ADGRL3: variants seen among roughly 807,000 people sequenced by gnomAD.
ADGRL3 encodes the protein adhesion G protein-coupled receptor L3.
Under a neutral mutation model 153.5 loss-of-function variants are expected in ADGRL3, and 62 were observed. The observed-to-expected ratio is 0.40, with a 90% confidence interval of 0.33 to 0.50. ADGRL3 has a LOEUF of 0.50. Ranked by LOEUF, ADGRL3 falls within the 20% of genes least tolerant of loss-of-function variation. ADGRL3 has a pLI of 0.47. For synonymous variants in ADGRL3, 710 were observed against 672.5 expected, an observed-to-expected ratio of 1.06 and a Z score of -0.86; for missense variants, 1,641 against 1,859.4, an observed-to-expected ratio of 0.88 and a Z score of 2.16.
rs1051668720 is a variant in ADGRL3, at chr4:61,589,545, A to G, written c.473+2105A>G. Among the ~76,000 whole-genome samples the G allele has an allele frequency of 2.0e-5, 3 of 152,222 alleles. No individual in the cohort carries two copies. The Middle Eastern group carries it at 0.01, about 518-fold the overall frequency. The stretch of plus-strand genomic sequence containing the variant: ...TTAAACTGAAATCATAATGGAAAAC[A>G]TGTTTTTTTAAAAGGTATCTTAATC... On this transcript the variant is annotated intron_variant, in intron 5 of 26. Coordinates refer to ENST00000683033, the MANE Select transcript of ADGRL3 (RefSeq NM_001387552.1).
chr4:61,809,434 A>G (rs2097583766), intron 8 of ADGRL3, among the ~76,000 whole-genome samples: 2 of 152,274 alleles, frequency 1.3e-5, no homozygotes, highest in East Asian at 3.9e-4. Context: ...AGTCTTACTT[A>G]TTAAAATTAG....
At chr4:61,734,469 A>C (rs150985928) in intron 8 of ADGRL3, among the ~76,000 whole-genome samples, 73 of 152,180 alleles carry the variant, frequency 4.8e-4, no homozygotes, top group Non-Finnish European at 8.2e-4. Context: ...AAGCAAAGGC[A>C]TGTCTTACAA....
At chr4:61,221,399 A>T (rs1002156994) in intron 1 of ADGRL3, among the ~76,000 whole-genome samples, 22 of 152,130 alleles carry the variant, frequency 1.4e-4, no homozygotes, top group Non-Finnish European at 2.1e-4. Flanking sequence ...TCGTAATATG[A>T]TGTCAATATT....
intron 17 of ADGRL3, among the ~76,000 whole-genome samples, chr4:61,961,015 T>C (rs545974197): frequency 6.6e-6 from 1 of 152,248 alleles, no homozygotes; most frequent in Non-Finnish European, 1.5e-5. Flanking sequence ...GCCTAGTTTT[T>C]ACATTAAAAT....
chr4:62,018,667 T>C lies in ADGRL3; in HGVS notation c.3396-10188T>C, dbSNP rs544298238. 2.6e-4 allele frequency among the ~76,000 whole-genome samples: 39 copies of C among 152,128 alleles called. 1 individual carries two copies. The highest frequency in any genetic ancestry group is 9.2e-4 in the African/African-American group (38 of 41,518). On this transcript the variant is annotated intron_variant, in intron 21 of 26. Transcript: ENST00000683033. The stretch of plus-strand genomic sequence containing the variant: ...CAGACAAGTAGGAGCCCAGCTGGGA[T>C]TGGCGTAGGAAGGACGGAATGCTGA...
intron 5 of ADGRL3, among the ~76,000 whole-genome samples, chr4:61,589,209 T>G (rs777111012): frequency 5.3e-5 from 8 of 152,092 alleles, no homozygotes; most frequent in Non-Finnish European, 1.2e-4. Flanking sequence ...TTCACAAATA[T>G]GAGTTGTCAG....
chr4:61,372,993 A>G (rs967006886), intron 1 of ADGRL3, among the ~76,000 whole-genome samples: 1 of 152,170 alleles, frequency 6.6e-6, no homozygotes, highest in Non-Finnish European at 1.5e-5. Context: ...CCGATTCTCC[A>G]GGTGCGGTCG....
intron 5 of ADGRL3, among the ~76,000 whole-genome samples, chr4:61,662,452 C>T (rs2094628202): frequency 6.6e-6 from 1 of 152,232 alleles, no homozygotes; most frequent in Middle Eastern, 3.2e-3. Flanking sequence ...CAGGTGTGTG[C>T]ATACTCAGGG....
intron 1 of ADGRL3, among the ~76,000 whole-genome samples, chr4:61,312,171 A>G (rs1327791087): frequency 6.6e-6 from 1 of 152,218 alleles, no homozygotes; most frequent in African/African-American, 2.4e-5. Context: ...TAGGGAGAGG[A>G]TAGTCTTTTT....
At chr4:61,799,687 C>G (rs967514871) in intron 8 of ADGRL3, among the ~76,000 whole-genome samples, 2 of 151,940 alleles carry the variant, frequency 1.3e-5, no homozygotes, top group African/African-American at 4.8e-5. Flanking sequence ...CTTTAAATAC[C>G]AGCTTCTTAT....
At chr4:61,408,015 T>G (rs2097025984) in intron 2 of ADGRL3, among the ~76,000 whole-genome samples, 1 of 152,108 alleles carries the variant, frequency 6.6e-6, no homozygotes, top group South Asian at 2.1e-4. Flanking sequence ...TATTACGTCA[T>G]TTCTGAAATG....
At chr4:61,895,020 A>G (rs1330288616) in intron 10 of ADGRL3, among the ~76,000 whole-genome samples, 1 of 152,046 alleles carries the variant, frequency 6.6e-6, no homozygotes. Context: ...AAGAACATAT[A>G]TTTTTCCACC....
intron 6 of ADGRL3, among the ~76,000 whole-genome samples, chr4:61,718,520 A>T (rs1475613639): frequency 1.3e-5 from 2 of 152,110 alleles, no homozygotes; most frequent in Non-Finnish European, 2.9e-5. Flanking sequence ...TTAAAGTTGA[A>T]TTTTTTTACA....
intron 1 of ADGRL3, among the ~76,000 whole-genome samples, chr4:61,363,122 G>T (rs1268424864): frequency 6.6e-6 from 1 of 152,118 alleles, no homozygotes; most frequent in Non-Finnish European, 1.5e-5. Context: ...ACATTGAATA[G>T]ACTGTGATGC....
chr4:61,779,688 C>A (rs544580272), intron 8 of ADGRL3, among the ~76,000 whole-genome samples: 1 of 145,176 alleles, frequency 6.9e-6, no homozygotes, highest in Admixed American at 6.9e-5. Flanking sequence ...TATTCCATAG[C>A]TACTACTAGG....
At chr4:61,727,535 T>C (rs1339707807) in intron 6 of ADGRL3, among the ~76,000 whole-genome samples, 1 of 152,146 alleles carries the variant, frequency 6.6e-6, no homozygotes, top group Non-Finnish European at 1.5e-5. Flanking sequence ...GTTGTCATCA[T>C]GCAATTCATT....
At position 61,409,404 on chromosome 4, in the gene ADGRL3, A is replaced by AATATAT. The variant is rs10573056; in HGVS notation, c.-174+26226_-174+26231dup. On this transcript the variant is annotated intron_variant, in intron 2 of 26. Coordinates refer to ENST00000683033, the MANE Select transcript of ADGRL3 (RefSeq NM_001387552.1). ...TATTATATATATATTAGACATACAT[A>AATATAT]ATATATATATATATATTATATATAT... Among the ~76,000 whole-genome samples the AATATAT allele has an allele frequency of 1.0e-4, 14 of 137,882 alleles. No individual in the cohort carries two copies. In the South Asian group the frequency reaches 1.5e-3, roughly 15 times the overall value. 90.5% of individuals were successfully genotyped at this position (137,882 alleles called of 152,430 possible).
At chr4:61,914,262 G>C (rs1192489227) in intron 13 of ADGRL3, among the ~76,000 whole-genome samples, 1 of 152,052 alleles carries the variant, frequency 6.6e-6, no homozygotes, top group Admixed American at 6.6e-5. Context: ...GGCCAAACGT[G>C]TCTATTACGA....
intron 1 of ADGRL3, among the ~76,000 whole-genome samples, chr4:61,298,209 A>C (rs2094473971): frequency 6.6e-6 from 1 of 152,072 alleles, no homozygotes; most frequent in African/African-American, 2.4e-5. Context: ...AAGTTATTTA[A>C]ATTGTTATTT....
Sources: allele counts gnomAD v4.1 joint callset (sites outside exome capture counted in the v4.1 genomes callset), GRCh38; gene constraint gnomAD v4.1.1; transcripts MANE v1.5; gene names NCBI Gene and HGNC (gene_info 2026-07-23, HGNC 2026-07-21).